The following NCAPG variants were observed in gnomAD, a reference collection of about 807,000 sequenced individuals.
NCAPG encodes the protein non-SMC condensin I complex subunit G.
NCAPG carries 69 observed loss-of-function variants against 113.1 expected under a neutral mutation model. The observed-to-expected ratio is 0.61, with a 90% confidence interval of 0.50 to 0.75. The LOEUF (loss-of-function observed/expected upper bound fraction) is 0.75. Among genes scored for constraint, NCAPG ranks in the 30% least tolerant of loss-of-function variants. NCAPG has a pLI of 0.00. For synonymous variants in NCAPG, 370 were observed against 415.8 expected, an observed-to-expected ratio of 0.89 and a Z score of 1.34; for missense variants, 1,058 against 1,177.0, an observed-to-expected ratio of 0.90 and a Z score of 1.48.
At chr4:17,840,514 A>G (rs1017929618) in intron 18 of NCAPG, 93 bp from the exon 19 acceptor site, 7 of 754,078 alleles carry the variant, frequency 9.3e-6, no homozygotes, top group Middle Eastern at 4.3e-4. Flanking sequence ...GGACTTTGTC[A>G]TTTCAGTTTT....
Position 17,842,397 on chromosome 4 carries a change from A to G in NCAPG, c.2924+18A>G. On this transcript the variant is annotated intron_variant, in intron 20 of 20. Transcript: ENST00000251496. ...TCTGAAAGGTATGTCATGCATGTCT[A>G]GAATATATGGAGGCCTATCTTCACT... 1 of 1,600,332 alleles carries G rather than the reference A, an allele frequency of 6.2e-7. No individual in the cohort carries two copies. The highest frequency in any genetic ancestry group is 8.6e-7 in the Non-Finnish European group (1 of 1,168,302).
At chr4:17,821,764 G>C (rs1721465880) in intron 7 of NCAPG, among the ~76,000 whole-genome samples, 1 of 96,498 alleles carries the variant, frequency 1.0e-5, no homozygotes, top group Non-Finnish European at 2.0e-5. Context: ...TGTGCCCGGC[G>C]ACATTTTTGA....
At position 17,825,420 on chromosome 4, in the gene NCAPG, A is replaced by G. The variant is rs1721622787; in HGVS notation, c.1512A>G (p.Glu504=). 6.3e-7 allele frequency: 1 copy of G among 1,594,718 alleles called. No individual in the cohort carries two copies. The highest frequency in any genetic ancestry group is 1.4e-5 in the African/African-American group (1 of 73,168). The part of the protein sequence containing the change: ...EIKVKLIEAK[E]ALENCITLQD... ...AAGTTAAGCTTATCGAAGCCAAAGA[A>G]GCTTTGGAAAATTGCATTACCTTAC... The change falls in exon 11 of 21, where the codon GAA becomes GAG. Residue 504 remains glutamate, a synonymous_variant. Transcript: ENST00000251496.
chr4:17,832,674 G>A (rs1186322373), intron 13 of NCAPG, among the ~76,000 whole-genome samples: 4 of 152,214 alleles, frequency 2.6e-5, no homozygotes, highest in South Asian at 4.1e-4. Flanking sequence ...AGTATGCAAC[G>A]CTTAGAGATA....
intron 11 of NCAPG, among the ~76,000 whole-genome samples, chr4:17,826,368 G>A (rs1025092302): frequency 1.3e-5 from 2 of 152,036 alleles, no homozygotes; most frequent in Non-Finnish European, 2.9e-5. Flanking sequence ...TTATATAGGA[G>A]AGTTTCATGA....
chr4:17,839,079 A>G (rs1417770238), intron 16 of NCAPG, among the ~76,000 whole-genome samples: 1 of 152,210 alleles, frequency 6.6e-6, no homozygotes, highest in East Asian at 1.9e-4. Flanking sequence ...AGTATGTGTA[A>G]CAGCAGACTT....
chr4:17,823,720 G>T lies in NCAPG; in HGVS notation c.1333G>T (p.Val445Phe). ...TIPISLVSFL[V>F]ERLLHIIIDD... is the part of the protein sequence containing the mutation. ...CCCAATATCCCTGGTTTCTTTTCTTGTTGAAAGACTACTCCACATCATTAT... is the reference window on the plus strand; with the variant it reads ...CCCAATATCCCTGGTTTCTTTTCTTTTTGAAAGACTACTCCACATCATTAT... Residue 445 changes from valine to phenylalanine, a missense_variant, in exon 9 of 21, where the codon GTT (valine) becomes TTT (phenylalanine). Val to Phe is a conservative substitution (Grantham distance 50). Coordinates refer to ENST00000251496, the MANE Select transcript of NCAPG (RefSeq NM_022346.5). 3.1e-6 allele frequency: 5 copies of T among 1,601,428 alleles called. No homozygotes were observed. Among genetic ancestry groups the T allele is most frequent in the East Asian group, 2.2e-5 (1 of 44,636 alleles).
intron 13 of NCAPG, among the ~76,000 whole-genome samples, chr4:17,833,471 TA>T (rs1409461643): frequency 2.1e-5 from 3 of 141,474 alleles, no homozygotes; most frequent in Non-Finnish European, 4.5e-5. Context: ...AAAAAAAAAA[TA>T]TATATATATA....
chr4:17,840,277 T>C lies in NCAPG; in HGVS notation c.2767+68T>C. ...TTTTTTCCATCTTTACTGAGACATATTTTTTTCTACTCTAACATGTTTGGT... is the reference window on the plus strand; with the variant it reads ...TTTTTTCCATCTTTACTGAGACATACTTTTTTCTACTCTAACATGTTTGGT... On this transcript the variant is annotated intron_variant, in intron 18 of 20. Coordinates refer to ENST00000251496, the MANE Select transcript of NCAPG (RefSeq NM_022346.5). 4 of 1,427,436 alleles carry C rather than the reference T, an allele frequency of 2.8e-6. No homozygotes were observed. The South Asian group carries it at 6.6e-5, about 24-fold the overall frequency. 88.4% of individuals were successfully genotyped at this position (1,427,436 alleles called of 1,614,324 possible). A position where few individuals can be genotyped will look rare whatever the true frequency, so the allele number is the denominator to read the frequency against.
At chr4:17,832,887 G>A (rs1297238588) in intron 13 of NCAPG, among the ~76,000 whole-genome samples, 3 of 152,100 alleles carry the variant, frequency 2.0e-5, no homozygotes, top group South Asian at 4.1e-4. Flanking sequence ...CAGCTGTCCC[G>A]TGTTGCTTCA....
chr4:17,832,369 C>G (rs1441522560), intron 13 of NCAPG, among the ~76,000 whole-genome samples: 1 of 152,078 alleles, frequency 6.6e-6, no homozygotes. Context: ...AAAATAAAGT[C>G]TAAGATTTGC....
At chr4:17,813,737 A>G (rs2109042585) in intron 3 of NCAPG, among the ~76,000 whole-genome samples, 1 of 152,180 alleles carries the variant, frequency 6.6e-6, no homozygotes. Flanking sequence ...CAAAAATATA[A>G]ATCTCTGCCA....
At position 17,828,199 on chromosome 4, in the gene NCAPG, C is replaced by A. The variant is rs934811056; in HGVS notation, c.1654-79C>A. 6.4e-6 allele frequency: 6 copies of A among 933,128 alleles called. No homozygotes were observed. In the African/African-American group the frequency reaches 6.6e-5, roughly 10 times the overall value. 57.8% of individuals were successfully genotyped at this position (933,128 alleles called of 1,614,324 possible). ...CTATATAGAGTGACAGTATGCCCTACACAAAGCCCTGAGAAAGCAAACATT... is the reference window on the plus strand; with the variant it reads ...CTATATAGAGTGACAGTATGCCCTAAACAAAGCCCTGAGAAAGCAAACATT... On this transcript the variant is annotated intron_variant, in intron 11 of 20. Coordinates refer to ENST00000251496, the MANE Select transcript of NCAPG (RefSeq NM_022346.5).
chr4:17,837,244 GTCT>G lies in NCAPG; in HGVS notation c.2197_2199del (p.Leu733del), dbSNP rs1722137160. On this transcript the variant is annotated inframe_deletion, in exon 15 of 21. Transcript: ENST00000251496. ...TTGGTCAGCAGCAGGATTCTTTCTCGTCTTATTTTGTTATGGTACAATCCTGTG... is the reference window on the plus strand; with the variant it reads ...TTGGTCAGCAGCAGGATTCTTTCTCGTATTTTGTTATGGTACAATCCTGTG... 1 of 1,613,904 alleles carries G rather than the reference GTCT, an allele frequency of 6.2e-7. No individual in the cohort carries two copies.
intron 12 of NCAPG, 124 bp from the exon 13 acceptor site, chr4:17,830,873 C>A: frequency 4.2e-6 from 4 of 948,930 alleles, no homozygotes; most frequent in Non-Finnish European, 6.2e-6. Flanking sequence ...CTATATTGTT[C>A]TGTTTTAGCA....
intron 14 of NCAPG, among the ~76,000 whole-genome samples, chr4:17,835,706 G>GT (rs1241173472): frequency 6.6e-6 from 1 of 152,188 alleles, no homozygotes; most frequent in Admixed American, 6.5e-5. Context: ...GATATTTTGT[G>GT]TAAGTGGAAT....
intron 20 of NCAPG, 113 bp from the exon 21 acceptor site, chr4:17,843,189 G>T (rs969677268): frequency 4.4e-5 from 49 of 1,125,818 alleles, no homozygotes; most frequent in Non-Finnish European, 5.4e-5. Context: ...AATGGAATCA[G>T]GCTATCAATT....
intron 9 of NCAPG, among the ~76,000 whole-genome samples, chr4:17,824,415 C>T (rs1721576788): frequency 6.6e-6 from 1 of 151,988 alleles, no homozygotes; most frequent in African/African-American, 2.4e-5. Context: ...ATATATACAC[C>T]CCTTCTACAA....
In NCAPG at chr4:17,843,442, G is replaced by C; in HGVS notation, c.*17G>C. ...CTAAGTTAGGAAAGACGATGGAGGT[G>C]GAATCCTTTAAGATTATGTCCAGTT... On this transcript the variant is annotated 3_prime_UTR_variant, in exon 21 of 21. Transcript: ENST00000251496. 6.2e-7 allele frequency: 1 copy of C among 1,609,036 alleles called. No individual in the cohort carries two copies. Among genetic ancestry groups the C allele is most frequent in the Non-Finnish European group, 8.5e-7 (1 of 1,176,506 alleles).
Sources: gnomAD v4.1 joint callset for allele counts (sites outside exome capture counted in the v4.1 genomes callset) on GRCh38, gnomAD v4.1.1 for gene constraint, MANE v1.5 for transcripts, NCBI Gene and HGNC (gene_info 2026-07-23, HGNC 2026-07-21) for gene names.